CAST: variants seen among roughly 807,000 people sequenced by gnomAD.
CAST encodes the protein MIR583 host.
A neutral mutation model predicts 119.6 loss-of-function variants in CAST; 76 were observed. The observed-to-expected ratio is 0.64, with a 90% CI of 0.53 to 0.77. The LOEUF is 0.77. CAST is among the 30% of genes least tolerant of loss of function. The pLI, the probability that CAST is intolerant of heterozygous loss-of-function variation, is 0.00. For missense variants in CAST, 953 were observed against 946.5 expected (o/e 1.01, Z -0.09); for synonymous variants, 319 against 331.6 (o/e 0.96, Z 0.41).
At chr5:96,759,146 A>G (rs976259615) in intron 24 of CAST, among the ~76,000 whole-genome samples, 18 of 152,334 alleles carry the variant, frequency 1.2e-4, no homozygotes, top group African/African-American at 4.3e-4. Flanking sequence ...AGTGCCAACA[A>G]TATAGTTAAT....
the CAST span, among the ~76,000 whole-genome samples, chr5:96,457,788 C>G: frequency 1.3e-5 from 2 of 152,180 alleles, no homozygotes; most frequent in African/African-American, 4.8e-5. Context: ...GCCACCACAC[C>G]TAACAAAAGG....
the CAST span, among the ~76,000 whole-genome samples, chr5:96,460,821 A>T: frequency 6.6e-6 from 1 of 152,186 alleles, no homozygotes; most frequent in Non-Finnish European, 1.5e-5. Flanking sequence ...TGATTTCTGT[A>T]TAAACTGCAA....
chr5:96,194,921 T>G, the CAST span, among the ~76,000 whole-genome samples: 1 of 151,958 alleles, frequency 6.6e-6, no homozygotes, highest in South Asian at 2.1e-4. Context: ...TTGGAAAGAG[T>G]GCATGGGTGG....
At position 96,749,455 on chromosome 5, in the gene CAST, T is replaced by C. The variant is rs573775686; in HGVS notation, c.1428+842T>C. 1.1e-4 allele frequency among the ~76,000 whole-genome samples: 16 copies of C among 152,372 alleles called. No individual in the cohort carries two copies. In the South Asian group the frequency reaches 3.1e-3, roughly 30 times the overall value. The stretch of plus-strand genomic sequence containing the variant: ...TCATATCCTATTAATGACCATCTGC[T>C]GAGCACCTTGCATATAGGATAGGCT... On this transcript the variant is annotated intron_variant, in intron 19 of 31. Coordinates refer to ENST00000675179, the MANE Select transcript of CAST (RefSeq NM_001750.7).
chr5:96,747,826 G>C (rs1764098535), intron 18 of CAST, among the ~76,000 whole-genome samples: 1 of 152,088 alleles, frequency 6.6e-6, no homozygotes, highest in Non-Finnish European at 1.5e-5. Flanking sequence ...TATTATCTTT[G>C]TGAGTCCTCA....
At chr5:96,137,914 GT>G in the CAST span, among the ~76,000 whole-genome samples, 11 of 151,592 alleles carry the variant, frequency 7.3e-5, no homozygotes, top group African/African-American at 1.2e-4. Flanking sequence ...CATATTTGCA[GT>G]TTTTTTTCTC....
At position 96,737,930 on chromosome 5, in the gene CAST, A is replaced by C; in HGVS notation, c.781A>C (p.Thr261Pro). ...EETEEENTTYTGPEVSDPMSS... is the reference protein window; with the variant it reads ...EETEEENTTYPGPEVSDPMSS... ...AACTGAAGAAGAAAATACAACGTAT[A>C]CTGGACCAGAAGTTTCAGTATGTGA... The change falls in exon 11 of 32, where the codon ACT becomes CCT. Residue 261 changes from threonine (T) to proline (P), a missense_variant. Thr to Pro is a conservative substitution (Grantham distance 38). Transcript: ENST00000675179. The C allele has an allele frequency of 6.3e-7, 1 of 1,589,504 alleles. No individual in the cohort carries two copies. The highest frequency in any genetic ancestry group is 8.6e-7 in the Non-Finnish European group (1 of 1,157,910).
chr5:96,250,153 T>A, the CAST span, among the ~76,000 whole-genome samples: 1 of 152,352 alleles, frequency 6.6e-6, no homozygotes, highest in East Asian at 1.9e-4. Context: ...TCTCTTATGT[T>A]GTGATTGATG....
At chr5:96,264,315 A>T in the CAST span, among the ~76,000 whole-genome samples, 1 of 152,356 alleles carries the variant, frequency 6.6e-6, no homozygotes, top group South Asian at 2.1e-4. Context: ...TGTAAAACAC[A>T]TTAAATAAGT....
chr5:96,137,594 A>G, the CAST span, among the ~76,000 whole-genome samples: 2 of 152,120 alleles, frequency 1.3e-5, no homozygotes, highest in Non-Finnish European at 2.9e-5. Context: ...ATGTCTTCCA[A>G]AGTGGTTGTA....
chr5:96,105,497 C>G, the CAST span, among the ~76,000 whole-genome samples: 1 of 151,918 alleles, frequency 6.6e-6, no homozygotes, highest in South Asian at 2.1e-4. Flanking sequence ...GATAATCATG[C>G]GGTTTTTGTC....
the CAST span, among the ~76,000 whole-genome samples, chr5:96,345,180 A>G: frequency 3.9e-5 from 6 of 152,126 alleles, no homozygotes; most frequent in African/African-American, 9.7e-5. Flanking sequence ...ACTGGCCCCA[A>G]TGGTTTCAGC....
At chr5:96,428,804 T>C in the CAST span, among the ~76,000 whole-genome samples, 27 of 152,306 alleles carry the variant, frequency 1.8e-4, no homozygotes, top group African/African-American at 6.3e-4. Flanking sequence ...CCCACATTGG[T>C]ATTAAAGTGT....
chr5:95,982,311 T>TTGTG, the CAST span, among the ~76,000 whole-genome samples: 40 of 148,708 alleles, frequency 2.7e-4, 1 homozygote, highest in Middle Eastern at 3.5e-3. Flanking sequence ...TTGTATTCAA[T>TTGTG]TGTGTGTGTG....
the CAST span, among the ~76,000 whole-genome samples, chr5:96,022,124 T>C: frequency 6.6e-6 from 1 of 152,232 alleles, no homozygotes; most frequent in Non-Finnish European, 1.5e-5. Context: ...ACATAGGTTA[T>C]GTGCAAATAC....
intron 5 of CAST, 26 bp from the exon 6 acceptor site, chr5:96,727,463 T>C: frequency 7.2e-7 from 1 of 1,381,764 alleles, no homozygotes; most frequent in Non-Finnish European, 1.0e-6. Context: ...TCCTTCCTTT[T>C]TTTCTTTCTT....
At chr5:96,317,861 A>G in the CAST span, among the ~76,000 whole-genome samples, 1 of 152,168 alleles carries the variant, frequency 6.6e-6, no homozygotes, top group Non-Finnish European at 1.5e-5. Flanking sequence ...GCACCCTGAT[A>G]TTATTCTCAA....
chr5:96,205,012 T>C, the CAST span, among the ~76,000 whole-genome samples: 1 of 152,248 alleles, frequency 6.6e-6, no homozygotes, highest in African/African-American at 2.4e-5. Flanking sequence ...ATCCTTTTTA[T>C]AGTCTTTAAA....
At chr5:96,123,973 T>C in the CAST span, among the ~76,000 whole-genome samples, 1 of 152,194 alleles carries the variant, frequency 6.6e-6, no homozygotes, top group Non-Finnish European at 1.5e-5. Context: ...TTACCTCTTG[T>C]TTCCATACAC....
Sources: allele counts gnomAD v4.1 joint callset (sites outside exome capture counted in the v4.1 genomes callset), GRCh38; gene constraint gnomAD v4.1.1; transcripts MANE v1.5; gene names NCBI Gene and HGNC (gene_info 2026-07-23, HGNC 2026-07-21).